NF1: variants seen among roughly 807,000 people sequenced by gnomAD.
The protein encoded by NF1 is neurofibromin 1.
NF1 carries 122 observed loss-of-function variants against 325.7 expected under a neutral mutation model. That is an observed-to-expected ratio of 0.37 (90% CI 0.32 to 0.44). The LOEUF is 0.44. NF1 is among the 20% of genes least tolerant of loss of function. The pLI, the probability that NF1 is intolerant of heterozygous loss-of-function variation, is 1.00. For synonymous variants in NF1, 1,091 were observed against 1,186.0 expected (o/e 0.92, Z 1.65); for missense variants, 2,140 against 3,415.4 (o/e 0.63, Z 9.31).
At chr17:31,202,753 G>A (rs1208969050) in intron 11 of NF1, among the ~76,000 whole-genome samples, 3 of 152,038 alleles carry the variant, frequency 2.0e-5, no homozygotes, top group Admixed American at 6.6e-5. Context: ...GTTCCAAAAG[G>A]GAAAGTTTAA....
At chr17:31,304,723 T>C in intron 36 of NF1, 2 of 1,614,208 alleles carry the variant, frequency 1.2e-6, no homozygotes, top group African/African-American at 2.7e-5. Context: ...TTCAATGTTT[T>C]CACTTGATTC....
rs566347478 is a variant in NF1 at position 31,367,013 on chromosome 17, T to TA, written c.8377+6317dup. Among the ~76,000 whole-genome samples the TA allele has an allele frequency of 5.6e-3, 857 of 152,210 alleles. 6 individuals are homozygous for TA. Among genetic ancestry groups the TA allele is most frequent in the African/African-American group, 0.019 (792 of 41,532 alleles). ...AAATTCTTAATTTTAATATAAGTGG[T>TA]AAAAAAATACATCTACAAAGTTGTA... On this transcript the variant is annotated intron_variant, in intron 57 of 57. Coordinates refer to ENST00000358273, the MANE Select transcript of NF1 (RefSeq NM_001042492.3).
At chr17:31,142,199 TTTG>T (rs1916268317) in intron 1 of NF1, among the ~76,000 whole-genome samples, 1 of 152,212 alleles carries the variant, frequency 6.6e-6, no homozygotes, top group Non-Finnish European at 1.5e-5. Context: ...TTGCTGATAG[TTTG>T]TTAATAGAGA....
intron 1 of NF1, among the ~76,000 whole-genome samples, chr17:31,128,243 C>T (rs930209558): frequency 6.6e-6 from 1 of 151,946 alleles, no homozygotes; most frequent in Admixed American, 6.6e-5. Context: ...TGAGCCACTG[C>T]ACCCAGCCCC....
intron 5 of NF1, among the ~76,000 whole-genome samples, chr17:31,175,050 G>A (rs992735606): frequency 2.9e-4 from 40 of 136,098 alleles, no homozygotes; most frequent in Non-Finnish European, 1.2e-4. Context: ...CGGAGGTTGC[G>A]TGAGCCAAAA....
chr17:31,349,453 T>C, intron 49 of NF1, among the ~76,000 whole-genome samples: 1 of 152,192 alleles, frequency 6.6e-6, no homozygotes, highest in East Asian at 1.9e-4. Context: ...CATTAAAATC[T>C]GAAATGTGTT....
At position 31,349,248 on chromosome 17, in the gene NF1, G is replaced by A. The variant is rs1484172751; in HGVS notation, c.7318G>A (p.Ala2440Thr). 1 of 1,612,422 alleles carries A rather than the reference G, an allele frequency of 6.2e-7. No individual in the cohort carries two copies. The highest frequency in any genetic ancestry group is 1.1e-5 in the South Asian group (1 of 90,998). Residue 2440 changes from alanine to threonine, a missense_variant, in exon 49 of 58, where the codon GCA (alanine) becomes ACA (threonine). Ala to Thr is a moderately conservative substitution (Grantham distance 58, BLOSUM62 0). This residue lies in a region of NF1 where 522 missense variants were observed against 749.0 expected (regional missense o/e 0.70). Coordinates refer to ENST00000358273, the MANE Select transcript of NF1 (RefSeq NM_001042492.3). The stretch of plus-strand genomic sequence containing the variant: ...GAATACACAGAGCGTGGCCTACTTA[G>A]CAGGTAAAAACACAAAATAAACAAA... Reference protein sequence around the residue: ...EVNTQSVAYLAALLTVSEEVR... With the variant: ...EVNTQSVAYLTALLTVSEEVR...
At chr17:31,110,467 G>A (rs1913299429) in intron 1 of NF1, among the ~76,000 whole-genome samples, 1 of 152,178 alleles carries the variant, frequency 6.6e-6, no homozygotes, top group Admixed American at 6.6e-5. Context: ...GAGGTGATCA[G>A]CCTATCTTAT....
chr17:31,153,627 G>GT (rs904096506), intron 1 of NF1, among the ~76,000 whole-genome samples: 2 of 152,046 alleles, frequency 1.3e-5, no homozygotes, highest in African/African-American at 4.8e-5. Flanking sequence ...TAGTATTTTT[G>GT]TTTTTTGTTT....
chr17:31,225,945 C>T (rs1243609879), intron 17 of NF1, among the ~76,000 whole-genome samples: 1 of 152,122 alleles, frequency 6.6e-6, no homozygotes, highest in Non-Finnish European at 1.5e-5. Context: ...GTATCTTCTA[C>T]AGCAATATTT....
At chr17:31,192,236 G>A (rs2066357237) in intron 8 of NF1, among the ~76,000 whole-genome samples, 1 of 152,184 alleles carries the variant, frequency 6.6e-6, no homozygotes, top group Admixed American at 6.5e-5. Flanking sequence ...CCAAATACGA[G>A]TGACCATGGC....
chr17:31,191,632 G>A (rs1357354837), intron 8 of NF1, among the ~76,000 whole-genome samples: 1 of 152,162 alleles, frequency 6.6e-6, no homozygotes, highest in Non-Finnish European at 1.5e-5. Flanking sequence ...GAAATTTATT[G>A]CAAAGGAGCA....
chr17:31,206,229 T>C lies in NF1; in HGVS notation c.1261-11T>C, dbSNP rs2143913261. 1 of 1,613,482 alleles carries C rather than the reference T, an allele frequency of 6.2e-7. No homozygotes were observed. Among genetic ancestry groups the C allele is most frequent in the Non-Finnish European group, 8.5e-7 (1 of 1,179,476 alleles). On this transcript the variant is annotated splice_polypyrimidine_tract_variant and intron_variant, in intron 11 of 57. Coordinates refer to ENST00000358273, the MANE Select transcript of NF1 (RefSeq NM_001042492.3). ...TACTTTTTCTTCCTATTGGTCTTTG[T>C]TTTTCTCTAGTCCGCATTGGATTGG...
At chr17:31,178,505 C>T (rs2066064627) in intron 5 of NF1, among the ~76,000 whole-genome samples, 1 of 152,148 alleles carries the variant, frequency 6.6e-6, no homozygotes, top group African/African-American at 2.4e-5. Flanking sequence ...CAAATTCACA[C>T]ATAACACTAT....
At chr17:31,172,233 G>A (rs1392863679) in intron 5 of NF1, among the ~76,000 whole-genome samples, 2 of 151,998 alleles carry the variant, frequency 1.3e-5, no homozygotes, top group Non-Finnish European at 2.9e-5. Context: ...AGGCTGAGGT[G>A]GGAGGATCAC....
At chr17:31,268,842 G>T (rs555126016) in intron 36 of NF1, among the ~76,000 whole-genome samples, 1 of 151,842 alleles carries the variant, frequency 6.6e-6, no homozygotes, top group Admixed American at 6.6e-5. Flanking sequence ...GGGACAACAG[G>T]TGTGTGCCAC....
chr17:31,201,252 CG>C, intron 10 of NF1, 93 bp downstream of exon 10: 1 of 1,540,588 alleles, frequency 6.5e-7, no homozygotes, highest in Non-Finnish European at 8.9e-7. Context: ...TCACTTTTAT[CG>C]GTATTTCTCA....
intron 10 of NF1, 105 bp downstream of exon 10, chr17:31,201,264 C>G (rs2066524089): frequency 1.3e-6 from 2 of 1,516,412 alleles, no homozygotes; most frequent in African/African-American, 2.8e-5. Context: ...GTATTTCTCA[C>G]TATTATGTAT....
At chr17:31,186,001 G>A (rs2066231853) in intron 8 of NF1, among the ~76,000 whole-genome samples, 1 of 152,178 alleles carries the variant, frequency 6.6e-6, no homozygotes, top group Admixed American at 6.5e-5. Context: ...GAAACGGAAT[G>A]TTTAACTGTG....
Sources: gnomAD v4.1 joint callset for allele counts (sites outside exome capture counted in the v4.1 genomes callset) on GRCh38, gnomAD v4.1.1 for gene constraint, gnomAD v4.1.1 regional missense constraint, MANE v1.5 for transcripts, NCBI Gene and HGNC (gene_info 2026-07-23, HGNC 2026-07-21) for gene names.